Variants in NKAIN2 observed in about 807,000 individuals in gnomAD.
NKAIN2 encodes the protein sodium/potassium-transporting ATPase subunit beta-1-interacting protein 2.
A neutral mutation model predicts 32.6 loss-of-function variants in NKAIN2; 14 were observed. The observed-to-expected ratio is 0.43, with a 90% CI of 0.28 to 0.67. The LOEUF (loss-of-function observed/expected upper bound fraction) is 0.67, where lower values mean the gene tolerates loss of function less well. Among genes scored for constraint, NKAIN2 ranks in the 30% least tolerant of loss-of-function variants. The pLI is 0.17. For synonymous variants in NKAIN2, 80 were observed against 87.2 expected, an observed-to-expected ratio of 0.92 and a Z score of 0.46; for missense variants, 198 against 258.3, an observed-to-expected ratio of 0.77 and a Z score of 1.60.
intron 3 of NKAIN2, among the ~76,000 whole-genome samples, chr6:124,622,570 G>A (rs1455882453): frequency 1.3e-5 from 2 of 152,178 alleles, no homozygotes; most frequent in African/African-American, 4.8e-5. Context: ...CAGTGTGACA[G>A]CTTTCTGTAT....
chr6:124,800,813 G>A (rs538539735), intron 5 of NKAIN2, among the ~76,000 whole-genome samples: 3 of 152,246 alleles, frequency 2.0e-5, no homozygotes, highest in Admixed American at 6.5e-5. Flanking sequence ...GTTGGCAGGG[G>A]CAGGCAGTGT....
At chr6:124,572,345 G>A (rs980150653) in intron 3 of NKAIN2, among the ~76,000 whole-genome samples, 1 of 152,208 alleles carries the variant, frequency 6.6e-6, no homozygotes, top group African/African-American at 2.4e-5. Flanking sequence ...CAGTCAAGTT[G>A]ATAGTTAACA....
intron 2 of NKAIN2, among the ~76,000 whole-genome samples, chr6:124,320,869 C>T (rs1451812377): frequency 6.6e-6 from 1 of 152,116 alleles, no homozygotes; most frequent in African/African-American, 2.4e-5. Context: ...CTTTTATAAA[C>T]CATAATTACT....
At position 123,964,511 on chromosome 6, in the gene NKAIN2, A is replaced by C. The variant is rs1186167565; in HGVS notation, c.54+160257A>C. ...TGCTATGCAAACTAAGTTCCTTCTC[A>C]TCTCTATATCATCTCATTTCTATAT... On this transcript the variant is annotated intron_variant, in intron 1 of 6. Coordinates refer to ENST00000368417, the MANE Select transcript of NKAIN2 (RefSeq NM_001040214.3). This position sits in a 1 kb window ranked among gnomAD's most constrained non-coding sequence, Gnocchi z 4.0. Among the ~76,000 whole-genome samples the C allele has an allele frequency of 6.6e-6, 1 of 152,118 alleles. No individual in the cohort carries two copies. The highest frequency in any genetic ancestry group is 1.9e-4 in the East Asian group (1 of 5,190).
intron 4 of NKAIN2, among the ~76,000 whole-genome samples, chr6:124,763,605 G>T (rs1025841950): frequency 2.0e-5 from 3 of 152,144 alleles, no homozygotes; most frequent in African/African-American, 7.2e-5. Flanking sequence ...CATGAGATTT[G>T]GGTGGGGACA....
intron 1 of NKAIN2, among the ~76,000 whole-genome samples, chr6:124,175,855 T>C (rs1305117540): frequency 6.6e-6 from 1 of 152,212 alleles, no homozygotes; most frequent in Non-Finnish European, 1.5e-5. Context: ...AATGTACATC[T>C]CTCTCTTGCC....
chr6:124,768,879 T>C (rs1012816163), intron 4 of NKAIN2, among the ~76,000 whole-genome samples: 1 of 152,182 alleles, frequency 6.6e-6, no homozygotes, highest in African/African-American at 2.4e-5. Context: ...GCAAACACCA[T>C]TTAAAAACCC....
chr6:124,270,709 T>C (rs1276201337), intron 1 of NKAIN2, among the ~76,000 whole-genome samples: 1 of 152,222 alleles, frequency 6.6e-6, no homozygotes, highest in East Asian at 1.9e-4. Flanking sequence ...AAAGTTCCTG[T>C]TAATATATAG....
chr6:124,594,219 T>C (rs1782005374), intron 3 of NKAIN2, among the ~76,000 whole-genome samples: 2 of 152,262 alleles, frequency 1.3e-5, no homozygotes, highest in Non-Finnish European at 2.9e-5. Context: ...GTGAAAGTCA[T>C]GAATTTTAAG....
intron 2 of NKAIN2, among the ~76,000 whole-genome samples, chr6:124,348,932 A>G (rs1583098071): frequency 6.6e-6 from 1 of 152,268 alleles, no homozygotes; most frequent in Non-Finnish European, 1.5e-5. Context: ...AAAACGGTGC[A>G]CCAGGAGATT....
chr6:124,230,238 TTG>T (rs771365876), intron 1 of NKAIN2, among the ~76,000 whole-genome samples: 104 of 152,082 alleles, frequency 6.8e-4, no homozygotes, highest in Non-Finnish European at 1.2e-3. Flanking sequence ...AATTTTGAAC[TTG>T]AGAGAGATGA....
intron 1 of NKAIN2, among the ~76,000 whole-genome samples, chr6:123,892,216 C>T (rs1774054295): frequency 6.6e-6 from 1 of 152,134 alleles, no homozygotes; most frequent in Admixed American, 6.5e-5. Context: ...TGTGCAGTGC[C>T]CTTTAACATA....
At chr6:124,236,252 A>T (rs1013541802) in intron 1 of NKAIN2, among the ~76,000 whole-genome samples, 2 of 152,198 alleles carry the variant, frequency 1.3e-5, no homozygotes, top group African/African-American at 4.8e-5. Flanking sequence ...CTTATAATGT[A>T]GCATGAAAGA....
At chr6:124,114,361 C>T (rs986649740) in intron 1 of NKAIN2, among the ~76,000 whole-genome samples, 1 of 151,930 alleles carries the variant, frequency 6.6e-6, no homozygotes, top group African/African-American at 2.4e-5. Flanking sequence ...TGTCCATTAA[C>T]AGAAATGGGG....
At chr6:124,502,870 A>G (rs1336770) in intron 3 of NKAIN2, among the ~76,000 whole-genome samples, 71,554 of 151,968 alleles carry the variant, frequency 0.47, 17,140 homozygotes, top group South Asian at 0.6. Context: ...TGATTTGTGC[A>G]TCATATCTGC....
At chr6:124,639,042 C>T (rs1000927830) in intron 3 of NKAIN2, among the ~76,000 whole-genome samples, 1 of 151,940 alleles carries the variant, frequency 6.6e-6, no homozygotes, top group African/African-American at 2.4e-5. Context: ...TATCACCACA[C>T]CCCTAGTTAG....
chr6:124,660,627 C>A lies in NKAIN2; in HGVS notation c.474+2241C>A, dbSNP rs1784713083. Among the ~76,000 whole-genome samples, 4 of 152,152 alleles carry A rather than the reference C, an allele frequency of 2.6e-5. No homozygotes were observed. In the South Asian group the frequency reaches 8.3e-4, roughly 31 times the overall value. ...GAAGGAATAGTTTGAGTAAACCATC[C>A]TAGGATGTGACATCTTCACCTCTAC... On this transcript the variant is annotated intron_variant, in intron 4 of 6. Coordinates refer to ENST00000368417, the MANE Select transcript of NKAIN2 (RefSeq NM_001040214.3).
At chr6:124,806,606 T>A (rs1248370796) in intron 5 of NKAIN2, among the ~76,000 whole-genome samples, 1 of 151,518 alleles carries the variant, frequency 6.6e-6, no homozygotes, top group African/African-American at 2.4e-5. Flanking sequence ...CCAGCTAACA[T>A]CATAATGACA....
At chr6:123,968,950 G>T (rs901756554) in intron 1 of NKAIN2, among the ~76,000 whole-genome samples, 7 of 152,128 alleles carry the variant, frequency 4.6e-5, no homozygotes, top group African/African-American at 1.7e-4. Context: ...TGGGCCATGA[G>T]CTCTGTGAGG....
Sources: allele counts gnomAD v4.1 joint callset (sites outside exome capture counted in the v4.1 genomes callset), GRCh38; gene constraint gnomAD v4.1.1; non-coding constraint Gnocchi (gnomAD v3.1); transcripts MANE v1.5; gene names NCBI Gene and HGNC (gene_info 2026-07-23, HGNC 2026-07-21).